Variants in BPTF observed in about 807,000 individuals in gnomAD.
BPTF encodes nucleosome-remodeling factor subunit BPTF.
In BPTF, 18 loss-of-function variants were observed where a neutral mutation model predicts 292.5. The observed-to-expected ratio is 0.06, with a 90% CI of 0.04 to 0.09. The LOEUF is 0.09. BPTF is among the 10% of genes least tolerant of loss of function. The probability of loss-of-function intolerance (pLI) is 1.00; values close to 1 mark genes in which losing one functional copy is unlikely to be tolerated. For synonymous variants in BPTF, 1,225 were observed against 1,251.9 expected (o/e 0.98, Z 0.45); for missense variants, 2,726 against 3,498.7 (o/e 0.78, Z 5.57).
chr17:67,886,326 T>C (rs1286297886), intron 4 of BPTF: 1 of 1,549,972 alleles, frequency 6.5e-7, no homozygotes, highest in Admixed American at 1.8e-5. Flanking sequence ...GGTAAGAATA[T>C]ACTTCATCCA....
chr17:67,917,281 C>T (rs761454463), intron 11 of BPTF, among the ~76,000 whole-genome samples: 8 of 151,608 alleles, frequency 5.3e-5, no homozygotes, highest in Non-Finnish European at 7.4e-5. Flanking sequence ...TACAGGCGCC[C>T]GCCACCATAC....
chr17:67,894,153 T>C lies in BPTF; in HGVS notation c.2531T>C (p.Leu844Ser). The C allele has an allele frequency of 6.2e-7, 1 of 1,614,060 alleles. No homozygotes were observed. The highest frequency in any genetic ancestry group is 8.5e-7 in the Non-Finnish European group (1 of 1,179,900). ...ATGCTACCAATATGGCGAGAATCTT[T>C]AGGACATACCAGGTAAATGAATTCT... The part of the protein sequence containing the change: ...VVMLPIWRES[L>S]GHTRLHRMTS... Residue 844 changes from leucine (L) to serine (S), a missense_variant, in exon 7 of 28, where the codon TTA (leucine) becomes TCA (serine). By Grantham distance (145) the Leu-to-Ser change is moderately radical. This residue lies in a region of BPTF where 99 missense variants were observed against 227.1 expected (regional missense o/e 0.44). Transcript: ENST00000306378.
intron 18 of BPTF, among the ~76,000 whole-genome samples, chr17:67,932,956 A>G (rs2064535423): frequency 6.9e-6 from 1 of 144,278 alleles, no homozygotes; most frequent in Non-Finnish European, 1.5e-5. Context: ...ATTGGCTTAA[A>G]GGTAAAAAAG....
Position 67,911,584 on chromosome 17 carries a change from A to G in BPTF, c.3700A>G (p.Lys1234Glu). 6.2e-7 allele frequency: 1 copy of G among 1,614,168 alleles called. No homozygotes were observed. Among genetic ancestry groups the G allele is most frequent in the Non-Finnish European group, 8.5e-7 (1 of 1,180,014 alleles). Residue 1234 changes from lysine to glutamate, a missense_variant, in exon 11 of 28, where the codon AAA becomes GAA. By Grantham distance (56) the Lys-to-Glu change is moderately conservative. Transcript: ENST00000306378. ...TATTGGTACTTTGATCTGTAAGAAC[A>G]AAAAACCGCTCATACAGGAGGAAAG... ...DDIGTLICKN[K>E]KPLIQEESDT...
At chr17:67,855,068 A>G (rs534031214) in intron 2 of BPTF, among the ~76,000 whole-genome samples, 1 of 152,322 alleles carries the variant, frequency 6.6e-6, no homozygotes, top group East Asian at 1.9e-4. Context: ...TGGGAGGCCA[A>G]GGTGGGTGGA....
chr17:67,847,482 C>A (rs1400322186), intron 1 of BPTF, among the ~76,000 whole-genome samples: 2 of 151,640 alleles, frequency 1.3e-5, no homozygotes, highest in East Asian at 3.9e-4. Flanking sequence ...CCACTGCACT[C>A]CAGCGTGGGT....
At chr17:67,858,293 T>A (rs2058840686) in intron 2 of BPTF, among the ~76,000 whole-genome samples, 1 of 152,244 alleles carries the variant, frequency 6.6e-6, no homozygotes, top group Non-Finnish European at 1.5e-5. Context: ...CTCCCAAACA[T>A]CTGGTCATGG....
At chr17:67,897,719 G>T (rs970992622) in intron 7 of BPTF, among the ~76,000 whole-genome samples, 1 of 152,170 alleles carries the variant, frequency 6.6e-6, no homozygotes, top group Non-Finnish European at 1.5e-5. Context: ...TAAGGTGATC[G>T]CAGGACCAGA....
At chr17:67,835,695 T>G (rs2057072081) in intron 1 of BPTF, among the ~76,000 whole-genome samples, 2 of 150,290 alleles carry the variant, frequency 1.3e-5, no homozygotes, top group South Asian at 4.2e-4. Context: ...AGACGGAGTC[T>G]CGCTCTGTCG....
intron 18 of BPTF, among the ~76,000 whole-genome samples, chr17:67,933,515 A>G (rs897308979): frequency 6.6e-6 from 1 of 151,726 alleles, no homozygotes; most frequent in Non-Finnish European, 1.5e-5. Context: ...GCTGCAGTGA[A>G]GTATGCTCAT....
chr17:67,882,729 G>A (rs1219966956), intron 4 of BPTF, among the ~76,000 whole-genome samples: 1 of 152,186 alleles, frequency 6.6e-6, no homozygotes, highest in Non-Finnish European at 1.5e-5. Flanking sequence ...CCCCTGGGCT[G>A]GGCGTGGTGG....
In BPTF at chr17:67,907,467, T is replaced by C. The variant is rs1379424946; in HGVS notation, c.2813-2115T>C. ...ACCTCCCGGGTTCAATCAATTCTCT[T>C]GCCTCAGCCTCCCAAATAGCTGGGA... is the stretch of plus-strand genomic sequence containing the variant. On this transcript the variant is annotated intron_variant, in intron 9 of 27. Coordinates refer to ENST00000306378, the MANE Select transcript of BPTF (RefSeq NM_182641.4). Among the ~76,000 whole-genome samples, 3 of 151,986 alleles carry C rather than the reference T, an allele frequency of 2.0e-5. No homozygotes were observed. The East Asian group carries it at 5.8e-4, about 30-fold the overall frequency.
intron 18 of BPTF, among the ~76,000 whole-genome samples, chr17:67,935,152 G>A (rs531407835): frequency 1.3e-5 from 2 of 152,152 alleles, no homozygotes; most frequent in African/African-American, 4.8e-5. Flanking sequence ...GACCTGATGC[G>A]GTGGCTCACA....
chr17:67,863,233 G>A (rs972782337), intron 2 of BPTF, among the ~76,000 whole-genome samples: 1 of 152,076 alleles, frequency 6.6e-6, no homozygotes, highest in African/African-American at 2.4e-5. Context: ...GCATTTCTTG[G>A]TTTACAAACA....
intron 2 of BPTF, among the ~76,000 whole-genome samples, chr17:67,860,205 T>C (rs1269420650): frequency 6.6e-6 from 1 of 152,194 alleles, no homozygotes; most frequent in Non-Finnish European, 1.5e-5. Flanking sequence ...ACTTTAAACA[T>C]AGTGATATGT....
At position 67,825,504 on chromosome 17, in the gene BPTF, G is replaced by C. The variant is rs1294950822; in HGVS notation, c.-221G>C. 2.4e-6 allele frequency: 1 copy of C among 417,634 alleles called. No homozygotes were observed. Among genetic ancestry groups the C allele is most frequent in the Non-Finnish European group, 4.7e-6 (1 of 212,352 alleles). The allele number at this position is 417,634 out of a possible 1,614,324, so 25.9% of individuals were successfully genotyped here. ...CCTGCGGCCGCTGTCGGTTCCCCCA[G>C]TCACCGAGCGAGAGGGAAGAAACAA... On this transcript the variant is annotated 5_prime_UTR_variant, in exon 1 of 28. Coordinates refer to ENST00000306378, the MANE Select transcript of BPTF (RefSeq NM_182641.4).
At position 67,969,000 on chromosome 17, in the gene BPTF, C is replaced by A. The variant is rs192741791; in HGVS notation, c.8539+2344C>A. 2.6e-3 allele frequency among the ~76,000 whole-genome samples: 388 copies of A among 150,126 alleles called. 7 individuals carry two copies. The highest frequency in any genetic ancestry group is 4.3e-3 in the Non-Finnish European group (290 of 67,680). On this transcript the variant is annotated intron_variant, in intron 26 of 27. Coordinates refer to ENST00000306378, the MANE Select transcript of BPTF (RefSeq NM_182641.4). Reference sequence around the variant, plus strand: ...CCATCTCAAAAAAATAAAAAATAAACAAAATAAATAAAGAAGATAGGCCAG... The same window carrying A: ...CCATCTCAAAAAAATAAAAAATAAAAAAAATAAATAAAGAAGATAGGCCAG...
chr17:67,837,943 T>C (rs564727291), intron 1 of BPTF, among the ~76,000 whole-genome samples: 1 of 152,348 alleles, frequency 6.6e-6, no homozygotes, highest in East Asian at 1.9e-4. Context: ...GAGTTCTTCA[T>C]TGCTTCTTAC....
At chr17:67,921,242 C>CAGG (rs1246639830) in intron 13 of BPTF, among the ~76,000 whole-genome samples, 5 of 132,108 alleles carry the variant, frequency 3.8e-5, no homozygotes, top group Admixed American at 7.8e-5. Context: ...AAAAGAAATA[C>CAGG]AGGCCAGGCA....
Sources: allele counts gnomAD v4.1 joint callset (sites outside exome capture counted in the v4.1 genomes callset), GRCh38; gene constraint gnomAD v4.1.1; regional missense constraint gnomAD v4.1.1; transcripts MANE v1.5; gene names NCBI Gene and HGNC (gene_info 2026-07-23, HGNC 2026-07-21).